TENM3: variants seen among roughly 807,000 people sequenced by gnomAD.
TENM3 encodes teneurin transmembrane protein 3.
TENM3 carries 63 observed loss-of-function variants against 255.1 expected under a neutral mutation model. The ratio of observed to expected loss-of-function variants is 0.25; its 90% confidence interval spans 0.20 to 0.30. The LOEUF is 0.30. TENM3 is among the 10% of genes least tolerant of loss of function. The pLI, the probability that TENM3 is intolerant of heterozygous loss-of-function variation, is 1.00. For synonymous variants in TENM3, 1,306 were observed against 1,322.3 expected, an observed-to-expected ratio of 0.99 and a Z score of 0.27; for missense variants, 2,929 against 3,461.1, an observed-to-expected ratio of 0.85 and a Z score of 3.86.
chr4:182,703,017 T>C (rs1439538324), intron 12 of TENM3, among the ~76,000 whole-genome samples: 1 of 152,232 alleles, frequency 6.6e-6, no homozygotes, highest in Non-Finnish European at 1.5e-5. Flanking sequence ...ATTACAGGCG[T>C]GAGCCACCGC....
intron 1 of TENM3, among the ~76,000 whole-genome samples, chr4:182,277,957 G>A (rs1269317971): frequency 1.3e-5 from 2 of 152,146 alleles, no homozygotes; most frequent in Non-Finnish European, 2.9e-5. Flanking sequence ...ACTCCCTACC[G>A]CCCTCAACCC....
At chr4:182,623,267 C>A (rs1434346613) in intron 4 of TENM3, among the ~76,000 whole-genome samples, 1 of 151,896 alleles carries the variant, frequency 6.6e-6, no homozygotes, top group African/African-American at 2.4e-5. Context: ...CCTGTCCCCG[C>A]CTCCCTAAGT....
the TENM3 span, chr4:181,980,133 A>G: frequency 6.6e-6 from 1 of 152,250 alleles, no homozygotes; most frequent in Non-Finnish European, 1.5e-5. Context: ...TTGAAGGACC[A>G]GTTCTGACCT....
chr4:181,997,725 A>G, the TENM3 span, among the ~76,000 whole-genome samples: 2 of 152,346 alleles, frequency 1.3e-5, no homozygotes, highest in South Asian at 4.1e-4. Context: ...GTACATCGTC[A>G]GCTCTATGTT....
At chr4:181,566,278 A>G in the TENM3 span, among the ~76,000 whole-genome samples, 1 of 152,222 alleles carries the variant, frequency 6.6e-6, no homozygotes, top group South Asian at 2.1e-4. Context: ...ATGCAATCAA[A>G]CTAGTGTTTC....
At chr4:181,570,655 AAAGCAAGCAAGCAAGC>A in the TENM3 span, among the ~76,000 whole-genome samples, 12 of 150,236 alleles carry the variant, frequency 8.0e-5, no homozygotes, top group East Asian at 2.0e-4. Flanking sequence ...AGAAAGAAGG[AAAGCAAGCAAGCAAGC>A]AAGCAAGCAA....
chr4:181,724,143 T>C, the TENM3 span, among the ~76,000 whole-genome samples: 34 of 152,216 alleles, frequency 2.2e-4, no homozygotes, highest in Non-Finnish European at 8.8e-5. Flanking sequence ...CCTGTGGCGT[T>C]TGATGCTTAG....
At chr4:182,192,074 C>T (rs1049503027) in intron 1 of TENM3, among the ~76,000 whole-genome samples, 2 of 151,972 alleles carry the variant, frequency 1.3e-5, no homozygotes, top group African/African-American at 2.4e-5. Flanking sequence ...GAAGAAGCTC[C>T]GAGAATAATA....
chr4:182,559,423 T>A (rs549733141), intron 3 of TENM3, among the ~76,000 whole-genome samples: 5 of 152,266 alleles, frequency 3.3e-5, no homozygotes, highest in South Asian at 4.1e-4. Context: ...TTTTGTTTAA[T>A]TACAATGAAA....
In TENM3 at chr4:182,616,599, T is replaced by G. The variant is rs1190334162; in HGVS notation, c.750-12052T>G. ...TGAAAAAAAAAAAAAAAAAGATAGGTAACTGCAGAACACCTTTTGCAAGTT... is the reference window on the plus strand; with the variant it reads ...TGAAAAAAAAAAAAAAAAAGATAGGGAACTGCAGAACACCTTTTGCAAGTT... On this transcript the variant is annotated intron_variant, in intron 4 of 27. Coordinates refer to ENST00000511685, the MANE Select transcript of TENM3 (RefSeq NM_001080477.4). Among the ~76,000 whole-genome samples the G allele has an allele frequency of 1.7e-4, 22 of 130,968 alleles. 2 individuals carry two copies. The highest frequency in any genetic ancestry group is 2.4e-4 in the South Asian group (1 of 4,158). 85.9% of individuals were successfully genotyped at this position (130,968 alleles called of 152,430 possible).
the TENM3 span, among the ~76,000 whole-genome samples, chr4:181,926,544 C>T: frequency 3.3e-5 from 5 of 152,082 alleles, no homozygotes; most frequent in Non-Finnish European, 7.4e-5. Flanking sequence ...TAAAATCTCC[C>T]TGCTAAGGTT....
At chr4:182,545,550 C>T (rs567597544) in intron 3 of TENM3, among the ~76,000 whole-genome samples, 4 of 152,138 alleles carry the variant, frequency 2.6e-5, no homozygotes, top group Admixed American at 6.5e-5. Context: ...ACTTGGCCTT[C>T]GCCTTTCGTT....
intron 3 of TENM3, among the ~76,000 whole-genome samples, chr4:182,537,754 C>G (rs1740480101): frequency 6.6e-6 from 1 of 152,148 alleles, no homozygotes; most frequent in South Asian, 2.1e-4. Context: ...AATTTTCTAT[C>G]AGGTTTCTGT....
At chr4:181,612,473 A>G in the TENM3 span, among the ~76,000 whole-genome samples, 1 of 148,970 alleles carries the variant, frequency 6.7e-6, no homozygotes, top group African/African-American at 2.5e-5. Context: ...AGAGATCCAA[A>G]TGATTCTTTG....
the TENM3 span, among the ~76,000 whole-genome samples, chr4:181,972,484 G>A: frequency 6.7e-6 from 1 of 149,382 alleles, no homozygotes; most frequent in African/African-American, 2.5e-5. Flanking sequence ...ATTATTAGAA[G>A]CAAGATAACT....
the TENM3 span, among the ~76,000 whole-genome samples, chr4:182,023,377 G>A: frequency 6.6e-6 from 1 of 152,042 alleles, no homozygotes; most frequent in African/African-American, 2.4e-5. Context: ...ACGTCTAGAG[G>A]GTAAATACTG....
At chr4:182,336,028 C>T (rs1440121693) in intron 2 of TENM3, among the ~76,000 whole-genome samples, 1 of 152,166 alleles carries the variant, frequency 6.6e-6, no homozygotes, top group African/African-American at 2.4e-5. Context: ...ATTCATATAT[C>T]CAGGGAATAT....
the TENM3 span, among the ~76,000 whole-genome samples, chr4:181,599,163 A>T: frequency 1.3e-5 from 2 of 152,222 alleles, no homozygotes; most frequent in African/African-American, 4.8e-5. Context: ...ATTTCTACCA[A>T]GTTAAAGAGA....
the TENM3 span, among the ~76,000 whole-genome samples, chr4:181,565,136 A>G: frequency 1.3e-5 from 2 of 152,240 alleles, no homozygotes; most frequent in African/African-American, 2.4e-5. Flanking sequence ...CAGCTTTCTG[A>G]CATAGTTGAT....
Sources: allele counts gnomAD v4.1 joint callset (sites outside exome capture counted in the v4.1 genomes callset), GRCh38; gene constraint gnomAD v4.1.1; transcripts MANE v1.5; gene names NCBI Gene and HGNC (gene_info 2026-07-23, HGNC 2026-07-21).